The following ARHGAP10 variants were observed in gnomAD, a reference collection of about 807,000 sequenced individuals.
ARHGAP10 encodes the protein Rho GTPase activating protein 10.
ARHGAP10 carries 87 observed loss-of-function variants against 108.6 expected under a neutral mutation model. The ratio of observed to expected loss-of-function variants is 0.80; its 90% CI spans 0.67 to 0.96. The LOEUF is 0.96. ARHGAP10 is among the 40% of genes least tolerant of loss of function. The probability of loss-of-function intolerance (pLI) is 0.00; values close to 1 mark genes in which losing one functional copy is unlikely to be tolerated. For missense variants in ARHGAP10, 939 were observed against 954.5 expected (o/e 0.98, Z 0.21); for synonymous variants, 347 against 341.1 (o/e 1.02, Z -0.19).
chr4:147,962,513 C>T (rs1224077655), intron 16 of ARHGAP10, among the ~76,000 whole-genome samples: 1 of 152,134 alleles, frequency 6.6e-6, no homozygotes, highest in Admixed American at 6.5e-5. Context: ...GACCACTCAG[C>T]TATCAGTTAG....
Position 147,781,450 on chromosome 4 carries a change from C to A in ARHGAP10, c.155-41277C>A, listed in dbSNP as rs142277598. On this transcript the variant is annotated intron_variant, in intron 1 of 22. Coordinates refer to ENST00000336498, the MANE Select transcript of ARHGAP10 (RefSeq NM_024605.4). Reference sequence around the variant, plus strand: ...GGGGAATATGCAAGTCATATATACACATTTAAAAATACGGGGAGCTACTTT... The same window carrying A: ...GGGGAATATGCAAGTCATATATACAAATTTAAAAATACGGGGAGCTACTTT... Among the ~76,000 whole-genome samples the A allele has an allele frequency of 7.3e-3, 1,114 of 152,268 alleles. 17 individuals are homozygous for A. Among genetic ancestry groups the A allele is most frequent in the African/African-American group, 0.026 (1,061 of 41,566 alleles).
intron 1 of ARHGAP10, among the ~76,000 whole-genome samples, chr4:147,785,006 G>A (rs1408415005): frequency 1.6e-5 from 2 of 123,924 alleles, no homozygotes; most frequent in African/African-American, 6.0e-5. Flanking sequence ...TGAAATATAT[G>A]TTATATATTA....
chr4:147,950,675 T>A (rs1287632457), intron 15 of ARHGAP10, among the ~76,000 whole-genome samples: 1 of 151,994 alleles, frequency 6.6e-6, no homozygotes. Flanking sequence ...ATGTGTGGCA[T>A]CCCTCTTTTT....
At chr4:147,752,676 C>G (rs1032273745) in intron 1 of ARHGAP10, among the ~76,000 whole-genome samples, 1 of 152,022 alleles carries the variant, frequency 6.6e-6, no homozygotes, top group African/African-American at 2.4e-5. Flanking sequence ...TACAGGTGTG[C>G]GCCGCCATGC....
At position 147,782,988 on chromosome 4, in the gene ARHGAP10, TTA is replaced by T. The variant is rs879731694; in HGVS notation, c.155-39731_155-39730del. ...TATATTAAATTATATATTATATAAA[TTA>T]TATATATTATATAAATTATATACTA... On this transcript the variant is annotated intron_variant, in intron 1 of 22. Coordinates refer to ENST00000336498, the MANE Select transcript of ARHGAP10 (RefSeq NM_024605.4). Among the ~76,000 whole-genome samples, 131 of 141,394 alleles carry T rather than the reference TTA, an allele frequency of 9.3e-4. 1 individual carries two copies. The highest frequency in any genetic ancestry group is 1.7e-3 in the Non-Finnish European group (111 of 65,724). The allele number at this position is 141,394 out of a possible 152,430, so 92.8% of individuals were successfully genotyped here.
chr4:148,009,404 T>TTATAG (rs1291624467), intron 18 of ARHGAP10, among the ~76,000 whole-genome samples: 1 of 152,236 alleles, frequency 6.6e-6, no homozygotes, highest in African/African-American at 2.4e-5. Context: ...AGTGCTGGGA[T>TTATAG]TATAGCCATG....
At chr4:147,941,549 A>G (rs1738165878) in intron 14 of ARHGAP10, among the ~76,000 whole-genome samples, 1 of 152,198 alleles carries the variant, frequency 6.6e-6, no homozygotes, top group Non-Finnish European at 1.5e-5. Flanking sequence ...CCTCACACAT[A>G]TTGCTGGCAA....
At chr4:147,800,579 G>T (rs1471912995) in intron 1 of ARHGAP10, among the ~76,000 whole-genome samples, 1 of 152,158 alleles carries the variant, frequency 6.6e-6, no homozygotes, top group Admixed American at 6.5e-5. Context: ...CATGTCATGG[G>T]TTGGGAAATG....
At chr4:147,907,186 T>C (rs2126910785) in intron 11 of ARHGAP10, among the ~76,000 whole-genome samples, 1 of 152,304 alleles carries the variant, frequency 6.6e-6, no homozygotes. Flanking sequence ...TTATGTAGCC[T>C]TAGTGGATGG....
chr4:147,906,770 T>G (rs763835743), intron 11 of ARHGAP10, 51 bp downstream of exon 11: 31 of 1,593,826 alleles, frequency 1.9e-5, no homozygotes, highest in Middle Eastern at 1.7e-4. Context: ...AGAGTTGACT[T>G]GCATTCATTT....
intron 7 of ARHGAP10, among the ~76,000 whole-genome samples, chr4:147,871,836 C>T (rs974417021): frequency 2.0e-5 from 3 of 152,018 alleles, no homozygotes; most frequent in African/African-American, 7.3e-5. Flanking sequence ...GATGGTGGCT[C>T]ACGCCTATAA....
At chr4:147,847,318 G>C in intron 4 of ARHGAP10, 96 bp downstream of exon 4, 1 of 1,085,086 alleles carries the variant, frequency 9.2e-7, no homozygotes, top group Non-Finnish European at 1.4e-6. Flanking sequence ...AGGAGATGCC[G>C]GAGCAAACCA....
chr4:147,894,687 T>C (rs1735918496), intron 10 of ARHGAP10, among the ~76,000 whole-genome samples: 1 of 152,212 alleles, frequency 6.6e-6, no homozygotes, highest in African/African-American at 2.4e-5. Flanking sequence ...CTCATGAAGA[T>C]TTTTGGGGTA....
intron 1 of ARHGAP10, among the ~76,000 whole-genome samples, chr4:147,815,618 G>C (rs767948288): frequency 3.9e-5 from 6 of 152,236 alleles, no homozygotes; most frequent in Admixed American, 2.0e-4. Flanking sequence ...GCACTTTGGA[G>C]GGCCAAGGCA....
At chr4:147,933,023 T>C (rs1439936055) in intron 13 of ARHGAP10, among the ~76,000 whole-genome samples, 1 of 152,206 alleles carries the variant, frequency 6.6e-6, no homozygotes, top group East Asian at 1.9e-4. Flanking sequence ...TTAAAAATTA[T>C]TTCAATCTCT....
chr4:147,847,204 G>C lies in ARHGAP10; in HGVS notation c.366G>C (p.Glu122Asp), dbSNP rs144122508. Residue 122 changes from glutamate to aspartate, a missense_variant, in exon 4 of 23, where the codon GAG becomes GAC. Physicochemically the swap from Glu to Asp is conservative, Grantham distance 45. Transcript: ENST00000336498. ...LIKPLEKFRKEQLGAVKEEKK... is the reference protein window; with the variant it reads ...LIKPLEKFRKDQLGAVKEEKK... ...AACCCTTGGAAAAATTCAGAAAAGA[G>C]CAACTTGGAGCTGTAAAGGTTTGTG... 3.1e-6 allele frequency: 5 copies of C among 1,612,722 alleles called. No individual in the cohort carries two copies. The highest frequency in any genetic ancestry group is 3.4e-6 in the Non-Finnish European group (4 of 1,178,890).
chr4:147,781,383 G>A (rs1730524532), intron 1 of ARHGAP10, among the ~76,000 whole-genome samples: 1 of 152,056 alleles, frequency 6.6e-6, no homozygotes, highest in Non-Finnish European at 1.5e-5. Flanking sequence ...ATTTACATTG[G>A]GCTGGACCTG....
At chr4:147,900,907 A>G (rs564709252) in intron 10 of ARHGAP10, among the ~76,000 whole-genome samples, 21 of 152,236 alleles carry the variant, frequency 1.4e-4, no homozygotes, top group African/African-American at 5.1e-4. Context: ...GGTTCAAGCA[A>G]TCCTCCTGCC....
intron 1 of ARHGAP10, among the ~76,000 whole-genome samples, chr4:147,783,534 T>C (rs933895263): frequency 1.4e-5 from 2 of 145,460 alleles, no homozygotes; most frequent in South Asian, 2.3e-4. Flanking sequence ...CATTAAATTA[T>C]GTATTGTATA....
Sources: gnomAD v4.1 joint callset for allele counts (sites outside exome capture counted in the v4.1 genomes callset) on GRCh38, gnomAD v4.1.1 for gene constraint, MANE v1.5 for transcripts, NCBI Gene and HGNC (gene_info 2026-07-23, HGNC 2026-07-21) for gene names.